Variants in LCLAT1 observed in about 807,000 individuals in gnomAD.
The protein encoded by LCLAT1 is 1-AGP acyltransferase 8.
LCLAT1 carries 11 observed loss-of-function variants against 30.7 expected under a neutral mutation model. The observed-to-expected ratio is 0.36, with a 90% CI of 0.23 to 0.59. LCLAT1 has a LOEUF of 0.59. Ranked by LOEUF, LCLAT1 falls within the 20% of genes least tolerant of loss-of-function variation. LCLAT1 has a pLI of 0.77. For synonymous variants in LCLAT1, 155 were observed against 151.3 expected (o/e 1.02, Z -0.18); for missense variants, 402 against 458.6 (o/e 0.88, Z 1.13).
At chr2:30,590,341 G>A (rs1239438975) in intron 5 of LCLAT1, among the ~76,000 whole-genome samples, 2 of 148,794 alleles carry the variant, frequency 1.3e-5, no homozygotes, top group Non-Finnish European at 3.0e-5. Flanking sequence ...TTTTGAAATT[G>A]GAAACAATAG....
intron 3 of LCLAT1, among the ~76,000 whole-genome samples, chr2:30,545,652 G>C (rs1426874431): frequency 1.8e-5 from 2 of 112,316 alleles, no homozygotes; most frequent in African/African-American, 5.3e-5. Context: ...AAGAAAAAAT[G>C]TTTCATAGAG....
chr2:30,501,424 A>C (rs1278576588), intron 1 of LCLAT1, among the ~76,000 whole-genome samples: 1 of 152,188 alleles, frequency 6.6e-6, no homozygotes, highest in Non-Finnish European at 1.5e-5. Context: ...TAGATTTTGT[A>C]AAGAATATGA....
At chr2:30,591,295 A>G (rs746537949) in intron 5 of LCLAT1, among the ~76,000 whole-genome samples, 1 of 152,182 alleles carries the variant, frequency 6.6e-6, no homozygotes, top group African/African-American at 2.4e-5. Context: ...GATTACTGTC[A>G]GGAACAAATG....
At chr2:30,518,444 C>G (rs907793784) in intron 1 of LCLAT1, among the ~76,000 whole-genome samples, 3 of 152,144 alleles carry the variant, frequency 2.0e-5, no homozygotes, top group African/African-American at 7.2e-5. Context: ...TTGCACTCAG[C>G]CAAGCCTTAA....
At chr2:30,463,091 CCT>C (rs550242345) in intron 1 of LCLAT1, among the ~76,000 whole-genome samples, 1 of 151,786 alleles carries the variant, frequency 6.6e-6, no homozygotes, top group Non-Finnish European at 1.5e-5. Context: ...ATAGCAAGAT[CCT>C]CTCTCTTAAT....
At chr2:30,513,080 A>G (rs1685016779) in intron 1 of LCLAT1, among the ~76,000 whole-genome samples, 1 of 152,150 alleles carries the variant, frequency 6.6e-6, no homozygotes, top group Non-Finnish European at 1.5e-5. Context: ...TAGCCCTGCT[A>G]ATGTTAAATA....
At chr2:30,610,041 G>A (rs1017794237) in intron 5 of LCLAT1, among the ~76,000 whole-genome samples, 1 of 152,074 alleles carries the variant, frequency 6.6e-6, no homozygotes, top group Non-Finnish European at 1.5e-5. Flanking sequence ...GAAGGATATA[G>A]GACAAATATG....
Position 30,642,060 on chromosome 2 carries a change from A to T in LCLAT1, c.*1441A>T, listed in dbSNP as rs1343763143. 6.6e-6 allele frequency: 1 copy of T among 152,222 alleles called. No homozygotes were observed. The highest frequency in any genetic ancestry group is 6.5e-5 in the Admixed American group (1 of 15,282). 9.4% of individuals were successfully genotyped at this position (152,222 alleles called of 1,614,324 possible). A position where few individuals can be genotyped will look rare whatever the true frequency, so the allele number is the denominator to read the frequency against. On this transcript the variant is annotated 3_prime_UTR_variant, in exon 6 of 6. Transcript: ENST00000379509. ...TTACTGCTTTATGTACTCTTTGGGC[A>T]TTAATGCCTTCTCTGTAATTATATC...
intron 3 of LCLAT1, among the ~76,000 whole-genome samples, chr2:30,559,399 A>G (rs1665088818): frequency 6.6e-6 from 1 of 152,212 alleles, no homozygotes; most frequent in Non-Finnish European, 1.5e-5. Flanking sequence ...CTTATCTGAA[A>G]TTCTGTCATT....
intron 5 of LCLAT1, among the ~76,000 whole-genome samples, chr2:30,580,190 CA>C: frequency 6.6e-6 from 1 of 152,188 alleles, no homozygotes; most frequent in Non-Finnish European, 1.5e-5. Context: ...GGGACTTAAA[CA>C]AATAAATCTT....
chr2:30,610,885 G>GGACTT (rs1341318620), intron 5 of LCLAT1, among the ~76,000 whole-genome samples: 4 of 151,670 alleles, frequency 2.6e-5, no homozygotes, highest in African/African-American at 9.7e-5. Context: ...AAAATTTCTT[G>GGACTT]GACTTAACTG....
chr2:30,476,461 A>C (rs1385478768), intron 1 of LCLAT1: 1 of 456,692 alleles, frequency 2.2e-6, no homozygotes, highest in Admixed American at 2.3e-5. Context: ...CCGCCACTGC[A>C]TTCGATTCTT....
chr2:30,482,586 T>C (rs896877006), intron 1 of LCLAT1, among the ~76,000 whole-genome samples: 1 of 152,150 alleles, frequency 6.6e-6, no homozygotes. Flanking sequence ...CTCATTCATA[T>C]ATTCTTTTGA....
intron 1 of LCLAT1, among the ~76,000 whole-genome samples, chr2:30,494,486 A>T (rs1683995977): frequency 6.6e-6 from 1 of 152,196 alleles, no homozygotes; most frequent in East Asian, 1.9e-4. Flanking sequence ...AAAGGTTATG[A>T]TTATTAAATG....
chr2:30,481,861 A>G (rs1376740121), intron 1 of LCLAT1, among the ~76,000 whole-genome samples: 2 of 152,202 alleles, frequency 1.3e-5, no homozygotes, highest in East Asian at 1.9e-4. Flanking sequence ...CAGTAAGCCT[A>G]GGGGTTTGCA....
At chr2:30,460,731 GC>G (rs1272599968) in intron 1 of LCLAT1, among the ~76,000 whole-genome samples, 3 of 152,128 alleles carry the variant, frequency 2.0e-5, no homozygotes, top group Non-Finnish European at 1.5e-5. Context: ...CAGGAAAGGA[GC>G]TGTCCACATC....
intron 1 of LCLAT1, among the ~76,000 whole-genome samples, chr2:30,451,217 G>A (rs941787888): frequency 6.6e-5 from 10 of 152,168 alleles, no homozygotes; most frequent in Non-Finnish European, 1.3e-4. Flanking sequence ...GGACAGTGCC[G>A]GTGTTGACAA....
chr2:30,474,473 G>A (rs1682951885), intron 1 of LCLAT1, among the ~76,000 whole-genome samples: 1 of 152,110 alleles, frequency 6.6e-6, no homozygotes, highest in African/African-American at 2.4e-5. Flanking sequence ...CCCAAGCTGG[G>A]CTTGAACTCC....
At chr2:30,540,857 G>T (rs1296913103) in intron 3 of LCLAT1, among the ~76,000 whole-genome samples, 2 of 151,948 alleles carry the variant, frequency 1.3e-5, no homozygotes, top group Non-Finnish European at 2.9e-5. Context: ...TAGAGACAGG[G>T]TTTAACCATG....
Sources: allele counts gnomAD v4.1 joint callset (sites outside exome capture counted in the v4.1 genomes callset), GRCh38; gene constraint gnomAD v4.1.1; transcripts MANE v1.5; gene names NCBI Gene and HGNC (gene_info 2026-07-23, HGNC 2026-07-21).